The following RNF213 variants were observed in gnomAD, a reference collection of about 807,000 sequenced individuals.
The protein encoded by RNF213 is E3 ubiquitin-protein ligase RNF213.
Under a neutral mutation model 514.4 loss-of-function variants are expected in RNF213, and 341 were observed. The observed-to-expected ratio is 0.66, with a 90% confidence interval of 0.61 to 0.73. RNF213 has a LOEUF of 0.73. RNF213 is among the 30% of genes least tolerant of loss of function. RNF213 has a pLI of 0.00. For missense variants in RNF213, 5,767 were observed against 6,615.6 expected (o/e 0.87, Z 4.45); for synonymous variants, 2,655 against 2,658.2 (o/e 1.00, Z 0.04).
At chr17:80,305,851 C>T (rs1326974590) in intron 11 of RNF213, among the ~76,000 whole-genome samples, 1 of 152,052 alleles carries the variant, frequency 6.6e-6, no homozygotes, top group African/African-American at 2.4e-5. Context: ...AACTTCTAAC[C>T]TCAACTGATC....
Position 80,325,013 on chromosome 17 carries a change from T to C in RNF213, c.3025-17T>C. ...GAAAAACTTCTAAATGTCCCTCTTT[T>C]ATTAATTTTCTTGTAGTCTCAGACC... On this transcript the variant is annotated splice_polypyrimidine_tract_variant and intron_variant, in intron 17 of 67. Coordinates refer to ENST00000582970, the MANE Select transcript of RNF213 (RefSeq NM_001256071.3). The C allele has an allele frequency of 6.5e-7, 1 of 1,535,950 alleles. No homozygotes were observed. Among genetic ancestry groups the C allele is most frequent in the South Asian group, 1.2e-5 (1 of 83,770 alleles).
chr17:80,308,915 T>C (rs2045467578), intron 13 of RNF213, 103 bp from the exon 14 acceptor site: 2 of 1,383,540 alleles, frequency 1.4e-6, no homozygotes, highest in African/African-American at 1.4e-5. Context: ...ACAAATGCCC[T>C]GTTGGTAGTT....
intron 17 of RNF213, chr17:80,319,590 T>C (rs2046070436): frequency 1.9e-6 from 3 of 1,569,826 alleles, no homozygotes; most frequent in Admixed American, 3.7e-5. Context: ...CACACGGGCT[T>C]GCAGGCCGTT....
rs143189961 is a variant in RNF213 at position 80,292,045 on chromosome 17, G to A, written c.1471+218G>A. On this transcript the variant is annotated intron_variant, in intron 8 of 67. Transcript: ENST00000582970. ...TGTGTTGGCTTCTCCTTTGAGCTCA[G>A]TGTGACTTACCTACTCACTTGCAGG... 0.014 allele frequency: 8,611 copies of A among 620,842 alleles called. 98 individuals are homozygous for A. Among genetic ancestry groups the A allele is most frequent in the Non-Finnish European group, 0.02 (6,843 of 345,670 alleles). 38.5% of individuals were successfully genotyped at this position (620,842 alleles called of 1,614,324 possible). A position where few individuals can be genotyped will look rare whatever the true frequency, so the allele number is the denominator to read the frequency against.
At chr17:80,322,611 T>C (rs1284608355) in intron 17 of RNF213, among the ~76,000 whole-genome samples, 1 of 152,014 alleles carries the variant, frequency 6.6e-6, no homozygotes, top group Non-Finnish European at 1.5e-5. Context: ...GACAGGGTCT[T>C]GAGATGTTGC....
chr17:80,294,061 G>A (rs141109718), intron 8 of RNF213, among the ~76,000 whole-genome samples: 187 of 152,300 alleles, frequency 1.2e-3, no homozygotes, highest in African/African-American at 4.1e-3. Context: ...TCTGTTTGTA[G>A]GTCTTCACGT....
At chr17:80,306,554 C>T in intron 12 of RNF213, 86 bp downstream of exon 12, 1 of 1,376,924 alleles carries the variant, frequency 7.3e-7, no homozygotes, top group Non-Finnish European at 1.0e-6. Context: ...ATTCTTATTC[C>T]TAAAAAACAG....
chr17:80,301,628 A>G (rs1256104266), intron 11 of RNF213, among the ~76,000 whole-genome samples: 1 of 152,242 alleles, frequency 6.6e-6, no homozygotes, highest in Non-Finnish European at 1.5e-5. Flanking sequence ...GCTGTGATCA[A>G]AAAGACAAAA....
Position 80,288,502 on chromosome 17 carries a change from G to A in RNF213, c.811-131G>A. ...CTGCTCCCTGGGTGGGAGTCGGAGG[G>A]CTGCCCCTCCACTGGGGATGCCAGC... On this transcript the variant is annotated intron_variant, in intron 4 of 67. Coordinates refer to ENST00000582970, the MANE Select transcript of RNF213 (RefSeq NM_001256071.3). This position sits in a 1 kb window ranked among gnomAD's most constrained non-coding sequence, Gnocchi z 4.9. 6.3e-7 allele frequency: 1 copy of A among 1,599,672 alleles called. No homozygotes were observed.
intron 55 of RNF213, 33 bp from the exon 56 acceptor site, chr17:80,380,796 TCA>T: frequency 6.2e-7 from 1 of 1,614,000 alleles, no homozygotes. Context: ...GCGGCCAGCC[TCA>T]GCCTCTGTCT....
chr17:80,313,192 G>A, intron 15 of RNF213, 25 bp downstream of exon 15: 18 of 1,613,878 alleles, frequency 1.1e-5, no homozygotes, highest in Non-Finnish European at 1.4e-5. Flanking sequence ...GAAGGCTTCT[G>A]GGTAGGGATG....
chr17:80,288,597 T>A lies in RNF213; in HGVS notation c.811-36T>A. 1 of 1,614,062 alleles carries A rather than the reference T, an allele frequency of 6.2e-7. No individual in the cohort carries two copies. The highest frequency in any genetic ancestry group is 1.1e-5 in the South Asian group (1 of 91,082). On this transcript the variant is annotated intron_variant, in intron 4 of 67. Coordinates refer to ENST00000582970, the MANE Select transcript of RNF213 (RefSeq NM_001256071.3). The surrounding 1 kb of genome is among the most constrained non-coding windows in gnomAD (Gnocchi z 4.9). ...TTGAGTCGGAGTCACCCTGGCCCAT[T>A]TTGTCACCTTGGCTCTGGTGTTTGG...
intron 65 of RNF213, among the ~76,000 whole-genome samples, 161 bp from the exon 66 acceptor site, chr17:80,389,667 G>A (rs1388528995): frequency 6.6e-6 from 1 of 152,240 alleles, no homozygotes; most frequent in African/African-American, 2.4e-5. Flanking sequence ...GGAACTGGTA[G>A]ATAGGACAGA....
intron 42 of RNF213, chr17:80,365,248 C>G (rs1209456064): frequency 6.5e-6 from 1 of 154,106 alleles, no homozygotes; most frequent in Admixed American, 6.4e-5. Flanking sequence ...GCTGTCCGAC[C>G]TTTGGAGCAC....
chr17:80,295,857 T>A (rs1217233024), intron 10 of RNF213, 44 bp downstream of exon 10: 22 of 1,602,098 alleles, frequency 1.4e-5, no homozygotes, highest in Non-Finnish European at 1.9e-5. Flanking sequence ...GCTATTATAA[T>A]GATTTTCTCT....
chr17:80,337,865 T>G lies in RNF213; in HGVS notation c.4701T>G (p.Leu1567=). 2 of 1,537,274 alleles carry G rather than the reference T, an allele frequency of 1.3e-6. No homozygotes were observed. Among genetic ancestry groups the G allele is most frequent in the South Asian group, 2.4e-5 (2 of 84,066 alleles). ...ISPDTVLHLI[L]PESPGSHEES... The stretch of plus-strand genomic sequence containing the variant: ...CAGACACGGTTCTGCACTTGATCCT[T>G]CCTGAGAGCCCTGGCAGCCACGAGG... The change falls in exon 25 of 68, where the codon CTT becomes CTG. Residue 1567 remains leucine, a synonymous_variant. Coordinates refer to ENST00000582970, the MANE Select transcript of RNF213 (RefSeq NM_001256071.3).
chr17:80,346,106 A>G lies in RNF213; in HGVS notation c.7771A>G (p.Lys2591Glu). 6.2e-7 allele frequency: 1 copy of G among 1,614,074 alleles called. No individual in the cohort carries two copies. The highest frequency in any genetic ancestry group is 1.1e-5 in the South Asian group (1 of 91,068). The change falls in exon 29 of 68, where the codon AAG (lysine) becomes GAG (glutamate). Residue 2591 changes from lysine to glutamate, a missense_variant. Lys to Glu is a moderately conservative substitution (Grantham distance 56). This residue lies in a region of RNF213 where 1,377 missense variants were observed against 1,635.2 expected (regional missense o/e 0.84). Coordinates refer to ENST00000582970, the MANE Select transcript of RNF213 (RefSeq NM_001256071.3). The surrounding 1 kb of genome is among the most constrained non-coding windows in gnomAD (Gnocchi z 8.1). ...TGGACAACTGAGTGACGTTGCTGAA[A>G]AGCTCTACATCCAGCAGATTGTCCA... ...DFGQLSDVAEKLYIQQIVQRL... is the reference protein window; with the variant it reads ...DFGQLSDVAEELYIQQIVQRL...
At chr17:80,349,669 C>A in intron 29 of RNF213, 101 bp from the exon 30 acceptor site, 1 of 1,303,232 alleles carries the variant, frequency 7.7e-7, no homozygotes, top group Non-Finnish European at 1.1e-6. Flanking sequence ...AACTGCACCG[C>A]GCTGAACATC....
At chr17:80,378,279 T>C (rs894605261) in intron 54 of RNF213, among the ~76,000 whole-genome samples, 1 of 151,992 alleles carries the variant, frequency 6.6e-6, no homozygotes, top group Non-Finnish European at 1.5e-5. Context: ...TCAGAGGAGG[T>C]GTGGTCCAGA....
Sources: gnomAD v4.1 joint callset for allele counts (sites outside exome capture counted in the v4.1 genomes callset) on GRCh38, gnomAD v4.1.1 for gene constraint, gnomAD v4.1.1 regional missense constraint, Gnocchi (gnomAD v3.1) non-coding constraint, MANE v1.5 for transcripts, NCBI Gene and HGNC (gene_info 2026-07-23, HGNC 2026-07-21) for gene names.